The following FARP1 variants were observed in gnomAD, a reference collection of about 807,000 sequenced individuals.
The protein encoded by FARP1 is FERM, ARHGEF and pleckstrin domain-containing protein 1.
FARP1 carries 52 observed loss-of-function variants against 128.8 expected under a neutral mutation model. The observed-to-expected ratio is 0.40, with a 90% CI of 0.32 to 0.51. The LOEUF (loss-of-function observed/expected upper bound fraction) is 0.51. FARP1 is among the 20% of genes least tolerant of loss of function. The probability of loss-of-function intolerance (pLI) is 0.45; values close to 1 mark genes in which losing one functional copy is unlikely to be tolerated. For missense variants in FARP1, 1,333 were observed against 1,367.9 expected, an observed-to-expected ratio of 0.97 and a Z score of 0.40; for synonymous variants, 580 against 551.8, an observed-to-expected ratio of 1.05 and a Z score of -0.72.
At chr13:98,226,476 C>CTTTTT (rs61064188) in intron 2 of FARP1, among the ~76,000 whole-genome samples, 3 of 146,086 alleles carry the variant, frequency 2.1e-5, no homozygotes, top group Non-Finnish European at 3.0e-5. Flanking sequence ...AGGACTTCAT[C>CTTTTT]TTTTTTTTTT....
At chr13:98,408,959 A>C (rs558897243) in intron 13 of FARP1, among the ~76,000 whole-genome samples, 38 of 151,772 alleles carry the variant, frequency 2.5e-4, no homozygotes, top group South Asian at 1.9e-3. Flanking sequence ...TGTATTTTCT[A>C]ATCATTTCCC....
intron 17 of FARP1, among the ~76,000 whole-genome samples, chr13:98,425,726 A>G (rs559067368): frequency 2.0e-5 from 3 of 152,310 alleles, no homozygotes; most frequent in African/African-American, 4.8e-5. Flanking sequence ...AATATCTACA[A>G]TCAATGACAT....
At chr13:98,361,213 C>T (rs1888859453) in intron 3 of FARP1, among the ~76,000 whole-genome samples, 1 of 152,208 alleles carries the variant, frequency 6.6e-6, no homozygotes, top group South Asian at 2.1e-4. Flanking sequence ...ACAGATAGGT[C>T]CTCACAGGCC....
intron 2 of FARP1, among the ~76,000 whole-genome samples, chr13:98,330,616 G>A (rs1312495220): frequency 4.6e-5 from 7 of 152,006 alleles, no homozygotes; most frequent in Non-Finnish European, 7.4e-5. Context: ...TTAGCTGGGC[G>A]TGGTGGCAGG....
chr13:98,212,570 G>C (rs9554449), intron 1 of FARP1, among the ~76,000 whole-genome samples: 49,784 of 147,466 alleles, frequency 0.34, 10,876 homozygotes, highest in East Asian at 0.68. Flanking sequence ...ACTGTTGATA[G>C]TATAGTATAG....
intron 3 of FARP1, among the ~76,000 whole-genome samples, chr13:98,350,026 G>T (rs1267312722): frequency 1.3e-5 from 2 of 152,146 alleles, no homozygotes; most frequent in African/African-American, 2.4e-5. Flanking sequence ...GCTTTTTGAG[G>T]AACATGGGAG....
Position 98,448,396 on chromosome 13 carries a change from A to C in FARP1, c.*79A>C, listed in dbSNP as rs1566331425. ...TCTTCTGTATTAATGAAGCCTGGTA[A>C]AATTAACACCTGTCTGAAAATCAAA... On this transcript the variant is annotated 3_prime_UTR_variant, in exon 27 of 27. Transcript: ENST00000319562. 1 of 1,130,722 alleles carries C rather than the reference A, an allele frequency of 8.8e-7. No homozygotes were observed. The highest frequency in any genetic ancestry group is 1.3e-6 in the Non-Finnish European group (1 of 743,760). 70.0% of individuals were successfully genotyped at this position (1,130,722 alleles called of 1,614,324 possible). A position where few individuals can be genotyped will look rare whatever the true frequency, so the allele number is the denominator to read the frequency against.
Position 98,395,222 on chromosome 13 carries a change from C to A in FARP1, c.1165-5C>A. 1 of 1,586,598 alleles carries A rather than the reference C, an allele frequency of 6.3e-7. No homozygotes were observed. Among genetic ancestry groups the A allele is most frequent in the Non-Finnish European group, 8.6e-7 (1 of 1,159,024 alleles). On this transcript the variant is annotated splice_polypyrimidine_tract_variant and splice_region_variant and intron_variant, in intron 12 of 26. Transcript: ENST00000319562. ...TCTCCGCACCTTTTTCCCCACCCCA[C>A]CCAGTCTCAGCAGAGCACCAGCCTT... is the stretch of plus-strand genomic sequence containing the variant.
At chr13:98,247,546 A>G (rs1375582631) in intron 2 of FARP1, among the ~76,000 whole-genome samples, 2 of 152,112 alleles carry the variant, frequency 1.3e-5, no homozygotes, top group African/African-American at 4.8e-5. Flanking sequence ...AAACAGAGAG[A>G]GCTATTTGAA....
At position 98,318,068 on chromosome 13, in the gene FARP1, C is replaced by CTT. The variant is rs35762706; in HGVS notation, c.172-25675_172-25674dup. ...ATCTCCTTCCTTCCTTCTCCTCCTC[C>CTT]TTTTTTTTTTTTTTTTTTTTGAAAC... On this transcript the variant is annotated intron_variant, in intron 2 of 26. Transcript: ENST00000319562. 1.7e-3 allele frequency among the ~76,000 whole-genome samples: 177 copies of CTT among 104,204 alleles called. 7 individuals carry two copies. Among genetic ancestry groups the CTT allele is most frequent in the South Asian group, 8.8e-3 (23 of 2,612 alleles). 68.4% of individuals were successfully genotyped at this position (104,204 alleles called of 152,430 possible). A position where few individuals can be genotyped will look rare whatever the true frequency, so the allele number is the denominator to read the frequency against.
At chr13:98,393,795 G>C in intron 12 of FARP1, 77 bp downstream of exon 12, 3 of 1,102,020 alleles carry the variant, frequency 2.7e-6, no homozygotes, top group Non-Finnish European at 4.1e-6. Flanking sequence ...TTCAGAGCGG[G>C]CTTTCTTGTT....
intron 2 of FARP1, among the ~76,000 whole-genome samples, chr13:98,302,920 G>A (rs1272733443): frequency 6.6e-6 from 1 of 152,222 alleles, no homozygotes; most frequent in East Asian, 1.9e-4. Context: ...GAGCTCCTGA[G>A]CTGAGGGAGG....
At chr13:98,309,415 C>T (rs73563543) in intron 2 of FARP1, among the ~76,000 whole-genome samples, 20,146 of 151,362 alleles carry the variant, frequency 0.13, 1,657 homozygotes, top group East Asian at 0.33. Flanking sequence ...GTGATCCGCC[C>T]GCCTCGGCCT....
At chr13:98,441,527 C>T (rs552045708) in intron 24 of FARP1, among the ~76,000 whole-genome samples, 18 of 152,324 alleles carry the variant, frequency 1.2e-4, no homozygotes, top group African/African-American at 4.1e-4. Context: ...AGGGCCCCTC[C>T]GGGTTTTCTG....
intron 2 of FARP1, among the ~76,000 whole-genome samples, chr13:98,266,202 A>T (rs898536125): frequency 6.6e-6 from 1 of 152,122 alleles, no homozygotes; most frequent in African/African-American, 2.4e-5. Flanking sequence ...TTCTGTGTCA[A>T]TGGATTTCCA....
rs1555335936 is a variant in FARP1, at chr13:98,308,004, G to GA, written c.172-35758_172-35757insA. On this transcript the variant is annotated intron_variant, in intron 2 of 26. Coordinates refer to ENST00000319562, the MANE Select transcript of FARP1 (RefSeq NM_005766.4). The stretch of plus-strand genomic sequence containing the variant: ...AGGCTGCCCCTGGCCTGGACTGCCT[G>GA]CCCCCCTCCGCCCGCCCCCACTCTC... 2.2e-4 allele frequency among the ~76,000 whole-genome samples: 20 copies of GA among 92,130 alleles called. 1 individual carries two copies. The highest frequency in any genetic ancestry group is 2.5e-4 in the African/African-American group (7 of 27,498). The allele number at this position is 92,130 out of a possible 152,430, so 60.4% of individuals were successfully genotyped here. A position where few individuals can be genotyped will look rare whatever the true frequency, so the allele number is the denominator to read the frequency against.
intron 3 of FARP1, 115 bp downstream of exon 3, chr13:98,343,981 T>C: frequency 1.4e-6 from 1 of 733,760 alleles, no homozygotes; most frequent in Non-Finnish European, 2.4e-6. Context: ...GTCTGTTTTG[T>C]CTGTGAAGTC....
chr13:98,269,221 A>G (rs1237147892), intron 2 of FARP1, among the ~76,000 whole-genome samples: 1 of 152,160 alleles, frequency 6.6e-6, no homozygotes, highest in Non-Finnish European at 1.5e-5. Context: ...ATCTAAATAT[A>G]TCTCCCTGCA....
intron 14 of FARP1, 64 bp downstream of exon 14, chr13:98,409,589 A>G: frequency 7.1e-7 from 1 of 1,417,584 alleles, no homozygotes; most frequent in Non-Finnish European, 9.4e-7. Flanking sequence ...TGTGAATTTT[A>G]AAAATTGTAC....
Sources: gnomAD v4.1 joint callset for allele counts (sites outside exome capture counted in the v4.1 genomes callset) on GRCh38, gnomAD v4.1.1 for gene constraint, MANE v1.5 for transcripts, NCBI Gene and HGNC (gene_info 2026-07-23, HGNC 2026-07-21) for gene names.